Variants in AUTS2 observed in about 807,000 individuals in gnomAD.
AUTS2 encodes the protein activator of transcription and developmental regulator AUTS2.
In AUTS2, 17 loss-of-function variants were observed where a neutral mutation model predicts 112.4. The observed-to-expected ratio is 0.15, with a 90% CI of 0.10 to 0.23. The LOEUF is 0.23. AUTS2 is among the 10% of genes least tolerant of loss of function. AUTS2 has a pLI of 1.00. For synonymous variants in AUTS2, 751 were observed against 702.7 expected (o/e 1.07, Z -1.09); for missense variants, 1,510 against 1,701.6 (o/e 0.89, Z 1.98).
At chr7:70,301,751 A>G (rs1451992243) in intron 4 of AUTS2, among the ~76,000 whole-genome samples, 7 of 152,128 alleles carry the variant, frequency 4.6e-5, no homozygotes, top group Non-Finnish European at 5.9e-5. Flanking sequence ...TAAAGTCCAA[A>G]AGGAATGGTG....
chr7:70,028,063 C>T lies in AUTS2; in HGVS notation c.523-90069C>T, dbSNP rs967033863. The stretch of plus-strand genomic sequence containing the variant: ...TGTTCATATTCTTTCCCGCTCTGTC[C>T]GCCCCCCCCACCCTCATCTTGCTTG... On this transcript the variant is annotated intron_variant, in intron 2 of 18. Coordinates refer to ENST00000342771, the MANE Select transcript of AUTS2 (RefSeq NM_015570.4). Among the ~76,000 whole-genome samples, 9 of 151,726 alleles carry T rather than the reference C, an allele frequency of 5.9e-5. No individual in the cohort carries two copies. In the East Asian group the frequency reaches 1.2e-3, roughly 20 times the overall value.
In AUTS2 at chr7:70,518,661, C is replaced by T. The variant is rs555959707; in HGVS notation, c.690+82880C>T. Among the ~76,000 whole-genome samples the T allele has an allele frequency of 1.9e-4, 28 of 148,576 alleles. No homozygotes were observed. In the East Asian group the frequency reaches 2.2e-3, roughly 12 times the overall value. ...TCGCGCCACTGCACTCCAGCCTGGG[C>T]GACAGAGTGAGACTCCGTCTCAAAA... On this transcript the variant is annotated intron_variant, in intron 5 of 18. Transcript: ENST00000342771.
At position 69,832,148 on chromosome 7, in the gene AUTS2, C is replaced by T. The variant is rs974964478; in HGVS notation, c.310-67138C>T. On this transcript the variant is annotated intron_variant, in intron 1 of 18. Coordinates refer to ENST00000342771, the MANE Select transcript of AUTS2 (RefSeq NM_015570.4). ...TCACCGACAACCCCCTACCCTGCTC[C>T]CCATAGCAATGTTTTGAGGTTGTGT... is the stretch of plus-strand genomic sequence containing the variant. 2.0e-5 allele frequency among the ~76,000 whole-genome samples: 3 copies of T among 152,146 alleles called. No individual in the cohort carries two copies. The East Asian group carries it at 5.8e-4, about 29-fold the overall frequency.
chr7:69,697,278 A>T (rs11975481), intron 1 of AUTS2, among the ~76,000 whole-genome samples: 14,970 of 152,250 alleles, frequency 0.098, 1,173 homozygotes, highest in African/African-American at 0.21. Flanking sequence ...AATGAACTGA[A>T]TTGTATAGGC....
At chr7:70,105,655 C>T (rs1241792834) in intron 2 of AUTS2, among the ~76,000 whole-genome samples, 1 of 152,176 alleles carries the variant, frequency 6.6e-6, no homozygotes, top group Non-Finnish European at 1.5e-5. Context: ...TACATTAGCA[C>T]TGTAGCTGCA....
chr7:70,095,407 A>G (rs1043357015), intron 2 of AUTS2, among the ~76,000 whole-genome samples: 8 of 152,196 alleles, frequency 5.3e-5, no homozygotes, highest in African/African-American at 1.9e-4. Context: ...CCTTTTCTTC[A>G]CATTCAGAAT....
intron 4 of AUTS2, among the ~76,000 whole-genome samples, chr7:70,412,210 G>A (rs1326605826): frequency 4.6e-5 from 7 of 151,970 alleles, no homozygotes; most frequent in Admixed American, 4.6e-4. Flanking sequence ...CTTTCCTTTG[G>A]TGTTTATATC....
chr7:70,785,089 C>T (rs1213266234), intron 16 of AUTS2, 70 bp downstream of exon 16: 9 of 1,528,082 alleles, frequency 5.9e-6, no homozygotes, highest in South Asian at 2.2e-5. Context: ...ACCATGCTCC[C>T]GCTGCACCTC....
chr7:69,985,139 G>C (rs775505995), intron 2 of AUTS2, among the ~76,000 whole-genome samples: 8 of 151,008 alleles, frequency 5.3e-5, no homozygotes, highest in Non-Finnish European at 1.0e-4. Context: ...CCTGAGGCAG[G>C]AGGATCACTT....
At chr7:70,346,710 C>T (rs1177600926) in intron 4 of AUTS2, among the ~76,000 whole-genome samples, 2 of 152,160 alleles carry the variant, frequency 1.3e-5, no homozygotes, top group African/African-American at 2.4e-5. Flanking sequence ...TCACCTACCA[C>T]ATCATCTTAT....
At chr7:70,475,721 G>A (rs1797556474) in intron 5 of AUTS2, among the ~76,000 whole-genome samples, 1 of 152,140 alleles carries the variant, frequency 6.6e-6, no homozygotes, top group South Asian at 2.1e-4. Flanking sequence ...TCTGAGTGGG[G>A]ATAAGACGAG....
At chr7:70,556,106 A>G (rs911656330) in intron 5 of AUTS2, among the ~76,000 whole-genome samples, 1 of 152,070 alleles carries the variant, frequency 6.6e-6, no homozygotes, top group Non-Finnish European at 1.5e-5. Context: ...ACGCCTGGCC[A>G]AGAAGCTTCT....
rs116478512 is a variant in AUTS2 at position 69,983,973 on chromosome 7, A to G, written c.522+84475A>G. On this transcript the variant is annotated intron_variant, in intron 2 of 18. Coordinates refer to ENST00000342771, the MANE Select transcript of AUTS2 (RefSeq NM_015570.4). ...CATCAGACAGCTCTAGTTTCATTTT[A>G]TCTATTGACTCTGATTTAAATTATC... Among the ~76,000 whole-genome samples, 445 of 152,316 alleles carry G rather than the reference A, an allele frequency of 2.9e-3. 4 individuals carry two copies. The highest frequency in any genetic ancestry group is 0.01 in the African/African-American group (431 of 41,576).
intron 5 of AUTS2, among the ~76,000 whole-genome samples, chr7:70,482,619 G>C (rs1797834308): frequency 6.6e-6 from 1 of 152,178 alleles, no homozygotes; most frequent in Non-Finnish European, 1.5e-5. Context: ...AGGGATTTGG[G>C]GGGAGGGCCT....
intron 5 of AUTS2, among the ~76,000 whole-genome samples, chr7:70,678,264 C>T (rs1174425576): frequency 1.8e-4 from 27 of 152,046 alleles, no homozygotes; most frequent in Admixed American, 1.8e-3. Context: ...ATGGCTCTTA[C>T]TTATACTGTA....
intron 5 of AUTS2, among the ~76,000 whole-genome samples, chr7:70,481,694 C>T (rs895504979): frequency 2.6e-4 from 40 of 152,172 alleles, no homozygotes; most frequent in African/African-American, 9.7e-4. Flanking sequence ...GTGTATTCTG[C>T]CATGATTGTC....
chr7:69,726,083 G>GT (rs1786498667), intron 1 of AUTS2, among the ~76,000 whole-genome samples: 1 of 152,080 alleles, frequency 6.6e-6, no homozygotes, highest in Non-Finnish European at 1.5e-5. Context: ...CAGATCTTAA[G>GT]TGTACACATC....
chr7:70,736,483 A>T (rs1402133908), intron 6 of AUTS2, among the ~76,000 whole-genome samples: 1 of 152,194 alleles, frequency 6.6e-6, no homozygotes, highest in Admixed American at 6.5e-5. Flanking sequence ...GTTTTCCAAG[A>T]TCTGTGATGT....
At chr7:70,118,374 T>C in intron 3 of AUTS2, 141 bp downstream of exon 3, 1 of 1,026,992 alleles carries the variant, frequency 9.7e-7, no homozygotes, top group African/African-American at 1.7e-5. Flanking sequence ...GCGGTTCACA[T>C]TATCTTTGTA....
Sources: allele counts gnomAD v4.1 joint callset (sites outside exome capture counted in the v4.1 genomes callset), GRCh38; gene constraint gnomAD v4.1.1; transcripts MANE v1.5; gene names NCBI Gene and HGNC (gene_info 2026-07-23, HGNC 2026-07-21).